Variants in SPATA18 observed in about 807,000 individuals in gnomAD.
SPATA18 encodes mitochondria-eating protein.
A neutral mutation model predicts 68.1 loss-of-function variants in SPATA18; 54 were observed. The ratio of observed to expected loss-of-function variants is 0.79; its 90% CI spans 0.64 to 0.99. SPATA18 has a LOEUF of 0.99. Ranked by LOEUF, SPATA18 falls within the 50% of genes least tolerant of loss-of-function variation. The pLI, the probability that SPATA18 is intolerant of heterozygous loss-of-function variation, is 0.00. For missense variants in SPATA18, 724 were observed against 681.1 expected (o/e 1.06, Z -0.70); for synonymous variants, 242 against 244.8 (o/e 0.99, Z 0.11).
intron 10 of SPATA18, among the ~76,000 whole-genome samples, chr4:52,083,646 G>A (rs1741143946): frequency 6.6e-6 from 1 of 152,130 alleles, no homozygotes; most frequent in South Asian, 2.1e-4. Context: ...TTGGGAGGCT[G>A]AGGAGGGAGG....
intron 4 of SPATA18, among the ~76,000 whole-genome samples, chr4:52,065,750 C>G (rs998746883): frequency 1.3e-5 from 2 of 152,206 alleles, no homozygotes; most frequent in Non-Finnish European, 1.5e-5. Context: ...TTCCCTATGT[C>G]TAACCTTGTA....
chr4:52,070,329 T>G (rs562849872), intron 5 of SPATA18, among the ~76,000 whole-genome samples: 17 of 152,272 alleles, frequency 1.1e-4, no homozygotes, highest in African/African-American at 4.1e-4. Flanking sequence ...TTATGTTCCA[T>G]CATTTGGGGA....
intron 10 of SPATA18, among the ~76,000 whole-genome samples, chr4:52,084,050 C>T (rs1490832165): frequency 7.7e-6 from 1 of 129,412 alleles, no homozygotes; most frequent in Non-Finnish European, 1.6e-5. Flanking sequence ...GAGATCCTGT[C>T]AAAAAAAAAA....
intron 4 of SPATA18, among the ~76,000 whole-genome samples, chr4:52,064,421 A>C (rs1157214947): frequency 1.3e-5 from 2 of 151,810 alleles, no homozygotes; most frequent in East Asian, 1.9e-4. Flanking sequence ...TTTATCCCTC[A>C]CCCTCCTCCT....
At chr4:52,086,371 C>T (rs932255372) in intron 11 of SPATA18, among the ~76,000 whole-genome samples, 3 of 152,102 alleles carry the variant, frequency 2.0e-5, no homozygotes, top group Non-Finnish European at 4.4e-5. Flanking sequence ...CAACCAATCG[C>T]CTACATTAGG....
Position 52,060,477 on chromosome 4 carries a change from A to C in SPATA18, c.146A>C (p.Lys49Thr). 1 of 1,614,070 alleles carries C rather than the reference A, an allele frequency of 6.2e-7. No individual in the cohort carries two copies. Among genetic ancestry groups the C allele is most frequent in the Non-Finnish European group, 8.5e-7 (1 of 1,179,954 alleles). Residue 49 changes from lysine to threonine, a missense_variant, in exon 2 of 13, where the codon AAG (lysine) becomes ACG (threonine). By Grantham distance (78) the Lys-to-Thr change is moderately conservative. Transcript: ENST00000295213. ...HCLELIEQVA[K>T]VQGQLFGILT... Reference sequence around the variant, plus strand: ...CTTGAACTCATTGAGCAAGTTGCCAAGGTGCAGGGACAACTCTTTGGGATC... The same window carrying C: ...CTTGAACTCATTGAGCAAGTTGCCACGGTGCAGGGACAACTCTTTGGGATC...
chr4:52,083,291 C>G, intron 10 of SPATA18: 6 of 985,302 alleles, frequency 6.1e-6, no homozygotes, highest in Non-Finnish European at 7.2e-6. Context: ...GATCTCTGTT[C>G]CTGTTCTCCT....
chr4:52,089,609 A>C (rs1487435262), intron 11 of SPATA18, among the ~76,000 whole-genome samples: 3 of 152,184 alleles, frequency 2.0e-5, no homozygotes, highest in African/African-American at 7.2e-5. Context: ...GAGTTTCTTA[A>C]ACCTGAGTTC....
intron 11 of SPATA18, among the ~76,000 whole-genome samples, chr4:52,092,145 G>A (rs1021156493): frequency 7.9e-5 from 12 of 152,248 alleles, no homozygotes; most frequent in South Asian, 2.1e-4. Context: ...CCTGGGCTCC[G>A]TGGGGATGGG....
rs1359146988 is a variant in SPATA18 at position 52,078,777 on chromosome 4, A to C, written c.1063A>C (p.Ile355Leu). Residue 355 changes from isoleucine to leucine, a missense_variant, in exon 8 of 13, where the codon ATC (isoleucine) becomes CTC (leucine). Transcript: ENST00000295213. Reference sequence around the variant, plus strand: ...AAAAATGGCATTCAGACACTTCAAGATCCATGTGAGAAAATCGTTGACACC... The same window carrying C: ...AAAAATGGCATTCAGACACTTCAAGCTCCATGTGAGAAAATCGTTGACACC... ...VAKMAFRHFK[I>L]HVRKSLTPSY... The C allele has an allele frequency of 6.2e-7, 1 of 1,606,226 alleles. No homozygotes were observed. Among genetic ancestry groups the C allele is most frequent in the African/African-American group, 1.3e-5 (1 of 74,996 alleles).
intron 6 of SPATA18, 136 bp downstream of exon 6, chr4:52,072,292 A>G: frequency 1.4e-6 from 2 of 1,381,646 alleles, no homozygotes; most frequent in Non-Finnish European, 1.9e-6. Context: ...TTTGAATTGT[A>G]AAGGGATTGT....
intron 4 of SPATA18, among the ~76,000 whole-genome samples, chr4:52,063,636 T>G (rs1332972177): frequency 6.6e-6 from 1 of 152,218 alleles, no homozygotes; most frequent in East Asian, 1.9e-4. Flanking sequence ...TCATTCCAAG[T>G]GCAAACATGC....
chr4:52,070,224 A>G (rs1739685407), intron 5 of SPATA18, among the ~76,000 whole-genome samples: 1 of 152,050 alleles, frequency 6.6e-6, no homozygotes, highest in South Asian at 2.1e-4. Context: ...AATAAAATGT[A>G]TAAGTATACA....
intron 4 of SPATA18, among the ~76,000 whole-genome samples, chr4:52,066,650 C>T (rs1739339798): frequency 6.6e-6 from 1 of 152,132 alleles, no homozygotes; most frequent in Admixed American, 6.5e-5. Flanking sequence ...TCCTGATGCT[C>T]TCCCTTCCCC....
intron 1 of SPATA18, among the ~76,000 whole-genome samples, chr4:52,052,371 A>T (rs543375243): frequency 6.6e-6 from 1 of 152,244 alleles, no homozygotes; most frequent in African/African-American, 2.4e-5. Flanking sequence ...ACCAGGGCGG[A>T]TTCAGGCCTT....
In SPATA18 at chr4:52,079,917, CAAGT is replaced by C. The variant is rs1209573220; in HGVS notation, c.1355+2_1355+5del. ...CAGATGGAGAAGTTTTTAATGATTG[CAAGT>C]AAGAGACACAGGAGCAGAAGCTAAG... On this transcript the variant is annotated splice_donor_variant and coding_sequence_variant, in exon 9 of 13. Coordinates refer to ENST00000295213, the MANE Select transcript of SPATA18 (RefSeq NM_145263.4). LOFTEE classifies it high-confidence loss of function. 2 of 1,611,118 alleles carry C rather than the reference CAAGT, an allele frequency of 1.2e-6. No homozygotes were observed. The highest frequency in any genetic ancestry group is 4.5e-5 in the East Asian group (2 of 44,804).
At chr4:52,084,890 C>A in intron 10 of SPATA18, 26 bp from the exon 11 acceptor site, 1 of 1,610,072 alleles carries the variant, frequency 6.2e-7, no homozygotes, top group Non-Finnish European at 8.5e-7. Flanking sequence ...CTGACTATGT[C>A]TCTCTCTTTC....
At chr4:52,059,200 T>C (rs1200195416) in intron 1 of SPATA18, among the ~76,000 whole-genome samples, 1 of 152,196 alleles carries the variant, frequency 6.6e-6, no homozygotes, top group Non-Finnish European at 1.5e-5. Flanking sequence ...TTGTAAACTT[T>C]TGCCTAGAGA....
chr4:52,093,247 A>G (rs1048774444), intron 11 of SPATA18, among the ~76,000 whole-genome samples: 5 of 152,204 alleles, frequency 3.3e-5, no homozygotes, highest in African/African-American at 1.2e-4. Flanking sequence ...ACAATATGAT[A>G]GTCAATAAAA....
Sources: allele counts gnomAD v4.1 joint callset (sites outside exome capture counted in the v4.1 genomes callset), GRCh38; gene constraint gnomAD v4.1.1; transcripts MANE v1.5; gene names NCBI Gene and HGNC (gene_info 2026-07-23, HGNC 2026-07-21).